CC2D2A: variants seen among roughly 807,000 people sequenced by gnomAD.
CC2D2A encodes coiled-coil and C2 domain-containing protein 2A.
Under a neutral mutation model 212.9 loss-of-function variants are expected in CC2D2A, and 155 were observed. The observed-to-expected ratio is 0.73, with a 90% CI of 0.64 to 0.83. The LOEUF is 0.83. CC2D2A is among the 40% of genes least tolerant of loss of function. CC2D2A has a pLI of 0.00. For missense variants in CC2D2A, 1,856 were observed against 1,956.2 expected (o/e 0.95, Z 0.97); for synonymous variants, 667 against 686.5 (o/e 0.97, Z 0.44).
At chr4:15,582,326 C>T (rs1043746601) in intron 30 of CC2D2A, among the ~76,000 whole-genome samples, 1 of 151,768 alleles carries the variant, frequency 6.6e-6, no homozygotes, top group East Asian at 1.9e-4. Context: ...AGAATCTAAA[C>T]CCAAATTAAG....
chr4:15,492,602 G>A (rs1217077816), intron 4 of CC2D2A: 2 of 417,354 alleles, frequency 4.8e-6, no homozygotes, highest in Non-Finnish European at 4.6e-6. Context: ...GGTCTGCATG[G>A]AAATTGTGAG....
At chr4:15,598,947 C>T (rs572048691) in intron 35 of CC2D2A, among the ~76,000 whole-genome samples, 220 of 152,124 alleles carry the variant, frequency 1.4e-3, no homozygotes, top group Middle Eastern at 3.4e-3. Context: ...ATCACTTGAG[C>T]CCAAGAATTT....
At chr4:15,578,062 C>T (rs754176204) in intron 29 of CC2D2A, among the ~76,000 whole-genome samples, 5 of 152,208 alleles carry the variant, frequency 3.3e-5, no homozygotes, top group Admixed American at 2.0e-4. Context: ...ATTACAATTA[C>T]TCCTGGACTG....
intron 17 of CC2D2A, among the ~76,000 whole-genome samples, chr4:15,542,327 A>G (rs535845379): frequency 6.6e-6 from 1 of 152,268 alleles, no homozygotes; most frequent in Admixed American, 6.5e-5. Context: ...TATGATCCTA[A>G]CAGGCTTGTT....
At chr4:15,528,226 T>G (rs947807448) in intron 12 of CC2D2A, among the ~76,000 whole-genome samples, 1 of 152,230 alleles carries the variant, frequency 6.6e-6, no homozygotes, top group African/African-American at 2.4e-5. Context: ...CAATATCTCG[T>G]TTTACGAGTC....
intron 6 of CC2D2A, among the ~76,000 whole-genome samples, chr4:15,508,766 A>G (rs1716399655): frequency 6.6e-6 from 1 of 152,258 alleles, no homozygotes; most frequent in Admixed American, 6.5e-5. Context: ...AAGATGGCAC[A>G]CTACATGACT....
intron 18 of CC2D2A, 81 bp downstream of exon 18, chr4:15,551,061 C>A: frequency 1.7e-6 from 2 of 1,155,784 alleles, no homozygotes; most frequent in South Asian, 2.3e-5. Context: ...ACTTCCCAGA[C>A]AACCATAGAA....
intron 4 of CC2D2A, among the ~76,000 whole-genome samples, chr4:15,484,187 G>A (rs1031509874): frequency 7.9e-5 from 12 of 152,208 alleles, no homozygotes; most frequent in South Asian, 2.1e-4. Context: ...GGAGTGAGAG[G>A]ATGAGGTGCA....
intron 10 of CC2D2A, among the ~76,000 whole-genome samples, chr4:15,516,291 A>G (rs1368851838): frequency 6.6e-6 from 1 of 152,222 alleles, no homozygotes; most frequent in African/African-American, 2.4e-5. Flanking sequence ...TTTTTAAATT[A>G]TCCATAGGTA....
chr4:15,576,411 T>C (rs1720410662), intron 29 of CC2D2A: 12 of 979,622 alleles, frequency 1.2e-5, no homozygotes, highest in African/African-American at 1.8e-5. Context: ...CACCATGCCA[T>C]ATGGAACCAT....
At chr4:15,591,136 CA>C (rs1560197166) in intron 33 of CC2D2A, among the ~76,000 whole-genome samples, 3 of 151,994 alleles carry the variant, frequency 2.0e-5, no homozygotes, top group Non-Finnish European at 4.4e-5. Flanking sequence ...ATCAATATAC[CA>C]AAAACTACTT....
At chr4:15,596,919 T>G (rs1721344712) in intron 34 of CC2D2A, among the ~76,000 whole-genome samples, 1 of 152,224 alleles carries the variant, frequency 6.6e-6, no homozygotes, top group Admixed American at 6.5e-5. Flanking sequence ...TAAAAATATG[T>G]TTGTTGCTGC....
intron 11 of CC2D2A, chr4:15,519,166 T>C: frequency 4.1e-6 from 1 of 241,556 alleles, no homozygotes; most frequent in South Asian, 4.4e-5. Context: ...TGCTTAGAAA[T>C]TTCTTCTGCC....
rs1466189879 is a variant in CC2D2A, at chr4:15,601,336, G to A, written c.4774G>A (p.Glu1592Lys). The change falls in exon 37 of 37, where the codon GAA (glutamate) becomes AAA (lysine). Residue 1592 changes from glutamate to lysine, a missense_variant. Transcript: ENST00000424120. ...GVHNIDVPNVEFALAVYIHPY... is the reference protein window; with the variant it reads ...GVHNIDVPNVKFALAVYIHPY... ...ACATAATATTGATGTTCCTAATGTT[G>A]AATTTGCTTTAGCTGTATACATACA... 1 of 1,609,840 alleles carries A rather than the reference G, an allele frequency of 6.2e-7. No individual in the cohort carries two copies.
At chr4:15,490,414 C>T (rs367976645) in intron 4 of CC2D2A, among the ~76,000 whole-genome samples, 1 of 152,294 alleles carries the variant, frequency 6.6e-6, no homozygotes, top group African/African-American at 2.4e-5. Context: ...TTGCACCTGA[C>T]CTCTTTCACT....
Position 15,589,557 on chromosome 4 carries a change from T to C in CC2D2A, c.4192T>C (p.Tyr1398His). 1 of 1,612,250 alleles carries C rather than the reference T, an allele frequency of 6.2e-7. No individual in the cohort carries two copies. The highest frequency in any genetic ancestry group is 8.5e-7 in the Non-Finnish European group (1 of 1,178,884). ...GNAIPEGPTA[Y>H]VLTWEQGRYL... is the part of the protein sequence containing the mutation. ...CATCTTCTTTCAGGGTCCAACTGCC[T>C]ATGTGCTAACTTGGGAGCAAGGTCG... The change falls in exon 33 of 37, where the codon TAT becomes CAT. Residue 1398 changes from tyrosine (Y) to histidine (H), a missense_variant. By Grantham distance (83) the Tyr-to-His change is moderately conservative (BLOSUM62 2). Transcript: ENST00000424120.
At chr4:15,589,736 G>C in intron 33 of CC2D2A, 57 bp downstream of exon 33, 3 of 1,239,420 alleles carry the variant, frequency 2.4e-6, no homozygotes, top group Non-Finnish European at 3.1e-6. Flanking sequence ...TTAAATAACT[G>C]ACCTATTGAT....
Position 15,527,346 on chromosome 4 carries a change from G to A in CC2D2A, c.1150-101G>A. 3.8e-6 allele frequency: 3 copies of A among 787,486 alleles called. No homozygotes were observed. In the East Asian group the frequency reaches 8.0e-5, roughly 21 times the overall value. The allele number at this position is 787,486 out of a possible 1,614,324, so 48.8% of individuals were successfully genotyped here. ...TTTTCACCTGACTAGTCCAGGATAG[G>A]AGGTATTTTGCATCTGACCGTTTTC... is the stretch of plus-strand genomic sequence containing the variant. On this transcript the variant is annotated intron_variant, in intron 11 of 36. Transcript: ENST00000424120.
intron 4 of CC2D2A, among the ~76,000 whole-genome samples, chr4:15,494,624 G>A (rs1301732387): frequency 4.6e-5 from 7 of 152,192 alleles, no homozygotes; most frequent in African/African-American, 1.7e-4. Flanking sequence ...TCTAGTTACA[G>A]CCACCAATAA....
Sources: gnomAD v4.1 joint callset for allele counts (sites outside exome capture counted in the v4.1 genomes callset) on GRCh38, gnomAD v4.1.1 for gene constraint, MANE v1.5 for transcripts, NCBI Gene and HGNC (gene_info 2026-07-23, HGNC 2026-07-21) for gene names.